The following UNC13C variants were observed in gnomAD, a reference collection of about 807,000 sequenced individuals.
The protein encoded by UNC13C is protein unc-13 homolog C.
In UNC13C, 174 loss-of-function variants were observed where a neutral mutation model predicts 245.4. The ratio of observed to expected loss-of-function variants is 0.71; its 90% confidence interval spans 0.63 to 0.80. UNC13C has a LOEUF of 0.80. Ranked by LOEUF, UNC13C falls within the 30% of genes least tolerant of loss-of-function variation. UNC13C has a pLI of 0.00. For missense variants in UNC13C, 2,829 were observed against 2,602.9 expected, an observed-to-expected ratio of 1.09 and a Z score of -1.89; for synonymous variants, 992 against 895.1, an observed-to-expected ratio of 1.11 and a Z score of -1.93.
intron 17 of UNC13C, among the ~76,000 whole-genome samples, chr15:54,345,788 G>C (rs1220275637): frequency 6.6e-6 from 1 of 152,206 alleles, no homozygotes; most frequent in South Asian, 2.1e-4. Flanking sequence ...ATGAAGTCCA[G>C]ACTCTCCCAT....
At chr15:53,912,115 A>G in the UNC13C span, 43,700 of 152,116 alleles carry the variant, frequency 0.29, 6,788 homozygotes, top group South Asian at 0.4. Flanking sequence ...AGCTGGGGTT[A>G]CTAGAGAGAA....
At chr15:54,609,685 A>G (rs1012218474) in intron 30 of UNC13C, among the ~76,000 whole-genome samples, 1 of 152,224 alleles carries the variant, frequency 6.6e-6, no homozygotes, top group African/African-American at 2.4e-5. Flanking sequence ...TCATACATGT[A>G]CAAATACTTC....
chr15:54,462,593 C>T (rs1891909059), intron 19 of UNC13C, among the ~76,000 whole-genome samples: 1 of 152,224 alleles, frequency 6.6e-6, no homozygotes, highest in South Asian at 2.1e-4. Context: ...GGGCTTAGCA[C>T]CTGGGCCAGC....
At chr15:54,104,809 G>C (rs1384238738) in intron 2 of UNC13C, among the ~76,000 whole-genome samples, 1 of 151,762 alleles carries the variant, frequency 6.6e-6, no homozygotes, top group Non-Finnish European at 1.5e-5. Context: ...TCATTGTTTT[G>C]TAATCCTTAT....
intron 2 of UNC13C, among the ~76,000 whole-genome samples, chr15:54,129,082 T>A (rs2031247981): frequency 6.6e-6 from 1 of 152,236 alleles, no homozygotes. Flanking sequence ...CTCTCCAATT[T>A]TCAGAGTTTA....
chr15:54,095,687 G>A (rs1280020066), intron 2 of UNC13C, among the ~76,000 whole-genome samples: 1 of 152,158 alleles, frequency 6.6e-6, no homozygotes, highest in African/African-American at 2.4e-5. Context: ...CTTTTGAGAA[G>A]CACTAGCTTA....
At chr15:54,108,250 G>A (rs960528367) in intron 2 of UNC13C, among the ~76,000 whole-genome samples, 1 of 152,048 alleles carries the variant, frequency 6.6e-6, no homozygotes, top group African/African-American at 2.4e-5. Flanking sequence ...GCAGTGGCGC[G>A]ATCTTGGCTC....
intron 4 of UNC13C, among the ~76,000 whole-genome samples, chr15:54,197,152 A>G (rs983585529): frequency 9.9e-5 from 15 of 152,216 alleles, no homozygotes; most frequent in African/African-American, 3.6e-4. Context: ...TAGAAAATGC[A>G]AAAGAAACTT....
intron 25 of UNC13C, among the ~76,000 whole-genome samples, chr15:54,526,466 T>G (rs767732156): frequency 5.3e-5 from 8 of 152,108 alleles, no homozygotes; most frequent in Non-Finnish European, 8.8e-5. Flanking sequence ...GTACGGTGGC[T>G]TATGCCTGTA....
At chr15:54,483,159 A>G (rs1166093146) in intron 19 of UNC13C, among the ~76,000 whole-genome samples, 1 of 152,106 alleles carries the variant, frequency 6.6e-6, no homozygotes, top group Non-Finnish European at 1.5e-5. Context: ...TTCTTATTTC[A>G]TAGAAAATAA....
rs960219306 is a variant in UNC13C at position 54,627,595 on chromosome 15, C to T, written c.*482C>T. On this transcript the variant is annotated 3_prime_UTR_variant, in exon 33 of 33. Transcript: ENST00000260323. The stretch of plus-strand genomic sequence containing the variant: ...GAAAGCATTTGTAATTTTATAGTCG[C>T]AGATATTGTGATTTTTGCATACACA... 6.5e-6 allele frequency: 1 copy of T among 153,012 alleles called. No homozygotes were observed. Among genetic ancestry groups the T allele is most frequent in the South Asian group, 2.1e-4 (1 of 4,836 alleles). 9.5% of individuals were successfully genotyped at this position (153,012 alleles called of 1,614,324 possible). A position where few individuals can be genotyped will look rare whatever the true frequency, so the allele number is the denominator to read the frequency against.
At chr15:54,047,492 A>G (rs1897089157) in intron 2 of UNC13C, among the ~76,000 whole-genome samples, 2 of 152,134 alleles carry the variant, frequency 1.3e-5, no homozygotes, top group South Asian at 4.1e-4. Flanking sequence ...TACCTCATAT[A>G]AGTGGTATCA....
In UNC13C at chr15:54,015,455, A is replaced by C. The variant is rs1373982004; in HGVS notation, c.2552A>C (p.Asp851Ala). 1 of 1,613,564 alleles carries C rather than the reference A, an allele frequency of 6.2e-7. No homozygotes were observed. The highest frequency in any genetic ancestry group is 1.1e-5 in the South Asian group (1 of 91,070). ...ANESSTTLDS[D>A]VYTEPYYYKA... ...GAGTCAAGTACCACACTTGACTCTG[A>C]TGTCTACACGGAGCCCTATTACTAT... Residue 851 changes from aspartate (D) to alanine (A), a missense_variant, in exon 2 of 33, where the codon GAT becomes GCT. By Grantham distance (126) the Asp-to-Ala change is moderately radical. Coordinates refer to ENST00000260323, the MANE Select transcript of UNC13C (RefSeq NM_001080534.3).
intron 1 of UNC13C, among the ~76,000 whole-genome samples, chr15:53,995,875 C>A (rs1894607828): frequency 6.6e-6 from 1 of 152,098 alleles, no homozygotes; most frequent in Non-Finnish European, 1.5e-5. Context: ...GATGAAAGGA[C>A]TCGTGGAGAA....
chr15:54,341,390 G>A (rs1252903905), intron 17 of UNC13C, among the ~76,000 whole-genome samples: 3 of 152,058 alleles, frequency 2.0e-5, no homozygotes, highest in Non-Finnish European at 2.9e-5. Flanking sequence ...TCACTTATAA[G>A]TGAGAGCTTA....
chr15:53,902,623 A>G, the UNC13C span, among the ~76,000 whole-genome samples: 189 of 152,294 alleles, frequency 1.2e-3, no homozygotes, highest in African/African-American at 4.5e-3. Flanking sequence ...AACTCATATT[A>G]AACACTTTCT....
chr15:54,552,660 TA>T, intron 28 of UNC13C, among the ~76,000 whole-genome samples: 1 of 79,152 alleles, frequency 1.3e-5, no homozygotes, highest in Non-Finnish European at 2.0e-5. Flanking sequence ...ATAATTATAT[TA>T]TATTGTACTA....
At position 54,627,023 on chromosome 15, in the gene UNC13C, T is replaced by C; in HGVS notation, c.6555T>C (p.Leu2185=). ...TGGATGAAACTGGTTTGACTATCCT[T>C]AGAATACTCTCTCAGAGGACCAGTG... is the stretch of plus-strand genomic sequence containing the variant. ...ISMDETGLTI[L]RILSQRTSDD... The change falls in exon 33 of 33, where the codon CTT becomes CTC. Residue 2185 remains leucine (L), a synonymous_variant. Transcript: ENST00000260323. The C allele has an allele frequency of 6.2e-7, 1 of 1,613,388 alleles. No individual in the cohort carries two copies. Among genetic ancestry groups the C allele is most frequent in the South Asian group, 1.1e-5 (1 of 91,070 alleles).
chr15:54,470,672 T>C (rs1204738043), intron 19 of UNC13C, among the ~76,000 whole-genome samples: 1 of 151,308 alleles, frequency 6.6e-6, no homozygotes, highest in African/African-American at 2.4e-5. Context: ...TTTTTTCAAT[T>C]TTGTTTATCT....
Sources: gnomAD v4.1 joint callset for allele counts (sites outside exome capture counted in the v4.1 genomes callset) on GRCh38, gnomAD v4.1.1 for gene constraint, MANE v1.5 for transcripts, NCBI Gene and HGNC (gene_info 2026-07-23, HGNC 2026-07-21) for gene names.